HAUS7: variants seen among roughly 807,000 people sequenced by gnomAD.
The protein encoded by HAUS7 is HAUS augmin like complex subunit 7.
A neutral mutation model predicts 28.4 loss-of-function variants in HAUS7; 3 were observed. The observed-to-expected ratio is 0.11, with a 90% confidence interval of 0.05 to 0.27. The LOEUF (loss-of-function observed/expected upper bound fraction) is 0.27. Among genes scored for constraint, HAUS7 ranks in the 10% least tolerant of loss-of-function variants. The probability of loss-of-function intolerance (pLI) is 1.00; values close to 1 mark genes in which losing one functional copy is unlikely to be tolerated. For synonymous variants in HAUS7, 165 were observed against 132.1 expected, an observed-to-expected ratio of 1.25 and a Z score of -1.71; for missense variants, 284 against 297.3, an observed-to-expected ratio of 0.96 and a Z score of 0.33.
At chrX:153,454,351 G>T in intron 9 of HAUS7, 43 bp downstream of exon 9, 3 of 753,438 alleles carry the variant, frequency 4.0e-6, no homozygotes, top group Non-Finnish European at 6.3e-6. Context: ...AAGCCTGTGC[G>T]TGGGGCAGCC....
intron 3 of HAUS7, among the ~76,000 whole-genome samples, chrX:153,464,743 A>G (rs967832376): frequency 6.2e-5 from 7 of 112,302 alleles, no homozygotes; most frequent in African/African-American, 2.3e-4. Flanking sequence ...AGACGGAACC[A>G]CTGCTGGCAT....
upstream of HAUS7, among the ~76,000 whole-genome samples, chrX:153,471,604 T>G (rs2089524890): frequency 8.9e-6 from 1 of 112,785 alleles, no homozygotes; most frequent in South Asian, 3.6e-4. Context: ...TTGTGCCCAG[T>G]AGCCAGGAGA....
chrX:153,455,640 C>A lies in HAUS7; in HGVS notation c.832G>T (p.Asp278Tyr). The A allele has an allele frequency of 1.7e-6, 2 of 1,208,727 alleles. No individual in the cohort carries two copies. The highest frequency in any genetic ancestry group is 2.2e-6 in the Non-Finnish European group (2 of 892,588). ...CGCTGGCAGCACTCGCCCAGCTCGTCGTCGTAGACTTGGAGAAAAGCCAAG... is the reference window on the plus strand; with the variant it reads ...CGCTGGCAGCACTCGCCCAGCTCGTAGTCGTAGACTTGGAGAAAAGCCAAG... ...LILAFLQVYD[D>Y]ELGECCQRPG... The change falls in exon 8 of 10, where the codon GAC becomes TAC. Residue 278 changes from aspartate (D) to tyrosine (Y), a missense_variant. Coordinates refer to ENST00000370211, the MANE Select transcript of HAUS7 (RefSeq NM_001385482.1).
intron 1 of HAUS7, chrX:153,486,127 T>A (rs2089636169): frequency 1.1e-6 from 1 of 888,123 alleles, no homozygotes; most frequent in African/African-American, 2.1e-5. Flanking sequence ...CCCACACCTG[T>A]GGCCGTCTCC....
At chrX:153,484,119 G>A (rs1467386456) in intron 1 of HAUS7, among the ~76,000 whole-genome samples, 2 of 112,003 alleles carry the variant, frequency 1.8e-5, no homozygotes, top group Non-Finnish European at 3.8e-5. Context: ...GCTTCAGGGG[G>A]CTCCAGGTGT....
rs142697836 is a variant in HAUS7, at chrX:153,476,680, G to A, written c.-588-5535C>T. ...AATGAGAAGACTGGGGCACTGAGGA[G>A]GGAGGGAAGCTTGTTCCTGATGTCA... On this transcript the variant is annotated intron_variant, in intron 1 of 5. Coordinates refer to the HAUS7 transcript ENST00000370210. Among the ~76,000 whole-genome samples the A allele has an allele frequency of 5.3e-5, 6 of 112,227 alleles. No homozygotes were observed. In the East Asian group the frequency reaches 1.7e-3, roughly 31 times the overall value.
At chrX:153,490,041 G>A (rs1356562870) in intron 1 of HAUS7, among the ~76,000 whole-genome samples, 1 of 112,867 alleles carries the variant, frequency 8.9e-6, no homozygotes, top group Non-Finnish European at 1.9e-5. Context: ...CCGAGCTGAA[G>A]TCAGGGCTCG....
chrX:153,490,910 A>AG (rs1410747298), intron 1 of HAUS7, among the ~76,000 whole-genome samples: 4 of 111,898 alleles, frequency 3.6e-5, no homozygotes, highest in Admixed American at 1.9e-4. Context: ...CTGATGGTCC[A>AG]GGGGGTGGGA....
At chrX:153,488,084 G>A (rs1211294403) in intron 1 of HAUS7, among the ~76,000 whole-genome samples, 1 of 112,958 alleles carries the variant, frequency 8.9e-6, no homozygotes, top group Admixed American at 9.3e-5. Flanking sequence ...CAGGTGACAG[G>A]CATGAAGGAT....
chrX:153,460,650 A>G (rs1417007769), intron 4 of HAUS7, among the ~76,000 whole-genome samples: 6 of 111,833 alleles, frequency 5.4e-5, no homozygotes, highest in Admixed American at 3.8e-4. Context: ...CGTAAAGTGC[A>G]CTTTGCCACA....
At chrX:153,474,720 G>C (rs1324655552), upstream of HAUS7, among the ~76,000 whole-genome samples, 1 of 106,009 alleles carries the variant, frequency 9.4e-6, no homozygotes, top group Non-Finnish European at 2.0e-5. Flanking sequence ...GGCGGGGGCG[G>C]GGGCGGGGGC....
chrX:153,461,079 G>A (rs1159938561), intron 4 of HAUS7, among the ~76,000 whole-genome samples: 1 of 111,593 alleles, frequency 9.0e-6, no homozygotes, highest in African/African-American at 3.3e-5. Flanking sequence ...AAAGGCTGCA[G>A]AAACAGAGCT....
intron 4 of HAUS7, chrX:153,462,129 T>C: frequency 9.6e-7 from 1 of 1,043,812 alleles, no homozygotes; most frequent in East Asian, 3.4e-5. Flanking sequence ...ATGTTTATAG[T>C]AGCATTACTC....
rs181390762 is a variant in HAUS7, at chrX:153,456,144, T to A, written c.705+121A>T. 3.5e-4 allele frequency: 188 copies of A among 542,929 alleles called. No individual in the cohort carries two copies. The East Asian group carries it at 5.3e-3, about 15-fold the overall frequency. The allele number at this position is 542,929 out of a possible 1,213,427, so 44.7% of individuals were successfully genotyped here. A position where few individuals can be genotyped will look rare whatever the true frequency, so the allele number is the denominator to read the frequency against. On this transcript the variant is annotated intron_variant, in intron 7 of 9. Coordinates refer to ENST00000370211, the MANE Select transcript of HAUS7 (RefSeq NM_001385482.1). The stretch of plus-strand genomic sequence containing the variant: ...CCTCCCCGCGGACTGAGCACCACAG[T>A]ATTCTAGAACATGTCAGGCCCGGTG...
upstream of HAUS7, among the ~76,000 whole-genome samples, chrX:153,475,082 C>T (rs2089554380): frequency 8.9e-6 from 1 of 112,664 alleles, no homozygotes; most frequent in South Asian, 3.6e-4. Flanking sequence ...AGCTTCTGCC[C>T]AACCTCCGTT....
chrX:153,473,329 G>A (rs782342227), upstream of HAUS7, among the ~76,000 whole-genome samples: 28 of 112,596 alleles, frequency 2.5e-4, no homozygotes, highest in African/African-American at 9.0e-4. Context: ...GGCAGGGGCT[G>A]GAGTTAGACC....
chrX:153,479,332 C>A (rs1249299933), intron 1 of HAUS7: 1 of 753,293 alleles, frequency 1.3e-6, no homozygotes, highest in Non-Finnish European at 1.6e-6. Flanking sequence ...CCCACCAACC[C>A]CCATGGGCTT....
chrX:153,472,498 T>C, upstream of HAUS7, among the ~76,000 whole-genome samples: 1 of 95,540 alleles, frequency 1.0e-5, no homozygotes, highest in East Asian at 3.5e-4. Flanking sequence ...GGCATCTTCC[T>C]CCGGAAAAGC....
intron 4 of HAUS7, among the ~76,000 whole-genome samples, chrX:153,459,758 G>A (rs922102266): frequency 1.8e-5 from 2 of 112,482 alleles, no homozygotes; most frequent in African/African-American, 3.2e-5. Context: ...GCTCATGCCC[G>A]TCATCCCAGC....
Sources: allele counts gnomAD v4.1 joint callset (sites outside exome capture counted in the v4.1 genomes callset), GRCh38; gene constraint gnomAD v4.1.1; transcripts MANE v1.5; gene names NCBI Gene and HGNC (gene_info 2026-07-23, HGNC 2026-07-21).